The following PRPSAP2 variants were observed in gnomAD, a reference collection of about 807,000 sequenced individuals.
The protein encoded by PRPSAP2 is phosphoribosyl pyrophosphate synthase-associated protein 2.
Under a neutral mutation model 40.6 loss-of-function variants are expected in PRPSAP2, and 24 were observed. That is an observed-to-expected ratio of 0.59 (90% CI 0.43 to 0.83). The LOEUF (loss-of-function observed/expected upper bound fraction) is 0.83. Ranked by LOEUF, PRPSAP2 falls within the 40% of genes least tolerant of loss-of-function variation. The pLI, the probability that PRPSAP2 is intolerant of heterozygous loss-of-function variation, is 0.00. For synonymous variants in PRPSAP2, 149 were observed against 164.7 expected (o/e 0.90, Z 0.73); for missense variants, 292 against 465.6 (o/e 0.63, Z 3.43).
chr17:18,903,000 T>G (rs1201798602), intron 8 of PRPSAP2, among the ~76,000 whole-genome samples: 1 of 152,066 alleles, frequency 6.6e-6, no homozygotes, highest in African/African-American at 2.4e-5. Flanking sequence ...AGGGCTGTGT[T>G]CCCATGGCAC....
intron 8 of PRPSAP2, chr17:18,908,166 A>G (rs2158100): frequency 0.29 from 176,929 of 600,592 alleles, 27,181 homozygotes; most frequent in South Asian, 0.39. Flanking sequence ...CTCAACAACA[A>G]AAAAAAGCCA....
At chr17:18,858,517 C>G (rs896427865) in intron 1 of PRPSAP2, 3 of 152,392 alleles carry the variant, frequency 2.0e-5, no homozygotes, top group African/African-American at 7.2e-5. Context: ...TCTCTCCTCT[C>G]CCTGAGGCGC....
chr17:18,877,687 CTT>C lies in PRPSAP2; in HGVS notation c.240-9_240-8del. Reference sequence around the variant, plus strand: ...GATCCCTTGATGAGATTTGCTGTGTCTTTGTTACAGGGACGTGAACACCACCA... The same window carrying C: ...GATCCCTTGATGAGATTTGCTGTGTCTGTTACAGGGACGTGAACACCACCA... On this transcript the variant is annotated splice_polypyrimidine_tract_variant and intron_variant, in intron 5 of 11. Coordinates refer to ENST00000268835, the MANE Select transcript of PRPSAP2 (RefSeq NM_002767.4). The C allele has an allele frequency of 6.3e-7, 1 of 1,596,282 alleles. No individual in the cohort carries two copies. Among genetic ancestry groups the C allele is most frequent in the Non-Finnish European group, 8.5e-7 (1 of 1,173,178 alleles).
intron 10 of PRPSAP2, among the ~76,000 whole-genome samples, chr17:18,927,100 C>A (rs1372195549): frequency 6.6e-6 from 1 of 152,170 alleles, no homozygotes; most frequent in Non-Finnish European, 1.5e-5. Context: ...TTGCTGTGTC[C>A]TCACATGGCA....
At chr17:18,860,211 C>T (rs1013814372) in intron 1 of PRPSAP2, among the ~76,000 whole-genome samples, 1 of 152,124 alleles carries the variant, frequency 6.6e-6, no homozygotes, top group African/African-American at 2.4e-5. Context: ...AGGTGCATGC[C>T]ACCACACCTG....
chr17:18,919,419 A>C (rs2041560997), intron 9 of PRPSAP2, among the ~76,000 whole-genome samples: 1 of 152,004 alleles, frequency 6.6e-6, no homozygotes, highest in African/African-American at 2.4e-5. Context: ...GAGGCAGGAG[A>C]ATCACTTGAA....
At chr17:18,892,987 TTGTC>T (rs1391567221) in intron 8 of PRPSAP2, among the ~76,000 whole-genome samples, 2 of 151,828 alleles carry the variant, frequency 1.3e-5, no homozygotes, top group Non-Finnish European at 2.9e-5. Context: ...AATAATTGGG[TTGTC>T]TTTTTGTTGA....
rs763101691 is a variant in PRPSAP2, at chr17:18,858,471, C to CGGCGGG, written c.-129+219_-129+224dup. 25 of 152,628 alleles carry CGGCGGG rather than the reference C, an allele frequency of 1.6e-4. No homozygotes were observed. The East Asian group carries it at 3.1e-3, about 19-fold the overall frequency. 9.5% of individuals were successfully genotyped at this position (152,628 alleles called of 1,614,324 possible). A position where few individuals can be genotyped will look rare whatever the true frequency, so the allele number is the denominator to read the frequency against. ...CCCTTCTTCCTCTCCCGCCAGGGGT[C>CGGCGGG]GGCGGGGGCGGGGGACGGGCGTCCG... On this transcript the variant is annotated intron_variant, in intron 1 of 11. Coordinates refer to ENST00000268835, the MANE Select transcript of PRPSAP2 (RefSeq NM_002767.4).
chr17:18,895,516 G>A (rs2039861662), intron 8 of PRPSAP2, among the ~76,000 whole-genome samples: 1 of 150,786 alleles, frequency 6.6e-6, no homozygotes, highest in Admixed American at 6.6e-5. Context: ...CTGACATTGG[G>A]CTTTTTCAGA....
intron 7 of PRPSAP2, among the ~76,000 whole-genome samples, chr17:18,887,642 T>C (rs1291291669): frequency 6.6e-6 from 1 of 152,212 alleles, no homozygotes; most frequent in African/African-American, 2.4e-5. Context: ...TCTATAACTT[T>C]TAAAAACTTA....
At chr17:18,891,790 T>C (rs2039558819) in intron 8 of PRPSAP2, among the ~76,000 whole-genome samples, 1 of 152,242 alleles carries the variant, frequency 6.6e-6, no homozygotes, top group Non-Finnish European at 1.5e-5. Context: ...CCTCTGTGTC[T>C]GGTTTCTTTC....
At chr17:18,930,189 G>A (rs899282115) in intron 11 of PRPSAP2, among the ~76,000 whole-genome samples, 3 of 152,090 alleles carry the variant, frequency 2.0e-5, no homozygotes, top group Non-Finnish European at 2.9e-5. Context: ...TGGCTAACGC[G>A]GTGAAACCCC....
At chr17:18,868,293 G>C (rs751725227) in intron 4 of PRPSAP2, among the ~76,000 whole-genome samples, 2 of 152,072 alleles carry the variant, frequency 1.3e-5, no homozygotes, top group Non-Finnish European at 1.5e-5. Flanking sequence ...TGGCCAACAT[G>C]ATGAAACCCT....
chr17:18,857,591 T>TA (rs2036669285), upstream of PRPSAP2, among the ~76,000 whole-genome samples: 1 of 150,316 alleles, frequency 6.7e-6, no homozygotes, highest in Non-Finnish European at 1.5e-5. Flanking sequence ...TTTTTTTTTT[T>TA]TGTATTTTTA....
intron 5 of PRPSAP2, 58 bp downstream of exon 5, chr17:18,872,707 A>T (rs7503678): frequency 0.52 from 706,146 of 1,345,928 alleles, 187,136 homozygotes; most frequent in Middle Eastern, 0.59. Context: ...GAGTGTTTAA[A>T]ATAATGATAG....
chr17:18,908,166 A>AC (rs913491621), intron 8 of PRPSAP2: 40 of 601,312 alleles, frequency 6.7e-5, no homozygotes, highest in Middle Eastern at 4.5e-4. Flanking sequence ...CTCAACAACA[A>AC]AAAAAAGCCA....
At chr17:18,863,071 C>T (rs1334283581) in intron 1 of PRPSAP2, among the ~76,000 whole-genome samples, 2 of 152,028 alleles carry the variant, frequency 1.3e-5, no homozygotes, top group South Asian at 2.1e-4. Context: ...CCACCTGCCT[C>T]GGCCTCCCAA....
At chr17:18,924,051 A>G in intron 10 of PRPSAP2, 67 bp downstream of exon 10, 2 of 1,469,006 alleles carry the variant, frequency 1.4e-6, no homozygotes, top group Non-Finnish European at 1.9e-6. Context: ...TGATTGATTG[A>G]TTGATTTTAT....
chr17:18,916,871 C>G (rs1262734014), intron 9 of PRPSAP2, among the ~76,000 whole-genome samples: 1 of 152,186 alleles, frequency 6.6e-6, no homozygotes, highest in Non-Finnish European at 1.5e-5. Flanking sequence ...TAATCCTGTT[C>G]ATGAAGGCAG....
Sources: gnomAD v4.1 joint callset for allele counts (sites outside exome capture counted in the v4.1 genomes callset) on GRCh38, gnomAD v4.1.1 for gene constraint, MANE v1.5 for transcripts, NCBI Gene and HGNC (gene_info 2026-07-23, HGNC 2026-07-21) for gene names.